The following LSAMP variants were observed in gnomAD, a reference collection of about 807,000 sequenced individuals.
LSAMP encodes limbic system associated membrane protein, also known as limbic system-associated membrane protein.
In LSAMP, 7 loss-of-function variants were observed where a neutral mutation model predicts 38.6. The observed-to-expected ratio is 0.18, with a 90% CI of 0.10 to 0.34. The LOEUF (loss-of-function observed/expected upper bound fraction) is 0.34. Ranked by LOEUF, LSAMP falls within the 10% of genes least tolerant of loss-of-function variation. The pLI, the probability that LSAMP is intolerant of heterozygous loss-of-function variation, is 1.00. For missense variants in LSAMP, 313 were observed against 420.0 expected, an observed-to-expected ratio of 0.75 and a Z score of 2.23; for synonymous variants, 154 against 166.8, an observed-to-expected ratio of 0.92 and a Z score of 0.59.
chr3:116,437,561 G>A (rs1415309717), intron 1 of LSAMP, among the ~76,000 whole-genome samples: 1 of 151,786 alleles, frequency 6.6e-6, no homozygotes, highest in Non-Finnish European at 1.5e-5. Flanking sequence ...GGTAAATGCA[G>A]ATTTGATTTA....
rs1202440557 is a variant in LSAMP at position 116,442,739 on chromosome 3, G to A, written c.155+2138C>T. 3.9e-5 allele frequency among the ~76,000 whole-genome samples: 6 copies of A among 152,238 alleles called. No homozygotes were observed. The East Asian group carries it at 1.2e-3, about 29-fold the overall frequency. ...ACTTATTTGCATGCTCTGTTTGTCT[G>A]TCTTTTCTTTCCCAGAGAATAAGTG... is the stretch of plus-strand genomic sequence containing the variant. On this transcript the variant is annotated intron_variant, in intron 1 of 6. Coordinates refer to ENST00000490035, the MANE Select transcript of LSAMP (RefSeq NM_002338.5).
At chr3:116,256,091 TGTCAA>T in intron 1 of LSAMP, among the ~76,000 whole-genome samples, 1 of 152,334 alleles carries the variant, frequency 6.6e-6, no homozygotes, top group African/African-American at 2.4e-5. Context: ...CGGTGCAATT[TGTCAA>T]GTCGAGTTGT....
intron 1 of LSAMP, among the ~76,000 whole-genome samples, chr3:116,263,078 G>A (rs970886494): frequency 6.6e-6 from 1 of 152,060 alleles, no homozygotes; most frequent in Non-Finnish European, 1.5e-5. Flanking sequence ...ATGGTCAAAG[G>A]GAATATAACA....
chr3:115,836,219 A>G (rs527752644), intron 6 of LSAMP, among the ~76,000 whole-genome samples: 1 of 152,168 alleles, frequency 6.6e-6, no homozygotes, highest in South Asian at 2.1e-4. Context: ...CCACCCTGTT[A>G]TCATCGTCTT....
chr3:115,888,402 ATTG>A (rs1401220384), intron 3 of LSAMP, among the ~76,000 whole-genome samples: 1 of 151,834 alleles, frequency 6.6e-6, no homozygotes, highest in East Asian at 1.9e-4. Context: ...TACTTGGAAT[ATTG>A]TTGTTAATTA....
At chr3:116,402,464 A>T (rs1424535829) in intron 1 of LSAMP, among the ~76,000 whole-genome samples, 1 of 152,168 alleles carries the variant, frequency 6.6e-6, no homozygotes, top group Non-Finnish European at 1.5e-5. Flanking sequence ...CAGTAAGAAA[A>T]TTTTTAAAAA....
intron 1 of LSAMP, among the ~76,000 whole-genome samples, chr3:116,263,315 A>C (rs1416286043): frequency 2.6e-5 from 4 of 152,144 alleles, no homozygotes; most frequent in African/African-American, 9.7e-5. Flanking sequence ...AGGTGGGTGG[A>C]TCACCTGAGG....
At chr3:115,864,969 T>C (rs1280255260) in intron 3 of LSAMP, among the ~76,000 whole-genome samples, 1 of 152,178 alleles carries the variant, frequency 6.6e-6, no homozygotes, top group African/African-American at 2.4e-5. Context: ...CTGAAGCTAT[T>C]TCATCTTATT....
At chr3:116,274,587 G>T (rs971487177) in intron 1 of LSAMP, among the ~76,000 whole-genome samples, 2 of 152,068 alleles carry the variant, frequency 1.3e-5, no homozygotes, top group African/African-American at 4.8e-5. Context: ...GCTGAACTAA[G>T]ATTTTTCTCA....
intron 6 of LSAMP, among the ~76,000 whole-genome samples, chr3:115,827,873 C>A (rs777239035): frequency 6.6e-6 from 1 of 152,180 alleles, no homozygotes; most frequent in African/African-American, 2.4e-5. Context: ...CAGCAGTATA[C>A]AAGGGGAGGT....
chr3:115,845,024 G>A (rs1935110305), intron 4 of LSAMP, among the ~76,000 whole-genome samples: 1 of 152,162 alleles, frequency 6.6e-6, no homozygotes, highest in Admixed American at 6.5e-5. Flanking sequence ...GCATTTGAAG[G>A]CTGAGAGATA....
intron 1 of LSAMP, among the ~76,000 whole-genome samples, chr3:116,357,827 T>C (rs2048246589): frequency 6.6e-6 from 1 of 151,754 alleles, no homozygotes; most frequent in South Asian, 2.1e-4. Context: ...TCACTCTTCA[T>C]TGAAAGCAAC....
intron 1 of LSAMP, among the ~76,000 whole-genome samples, chr3:116,410,358 TG>T (rs1176509680): frequency 6.6e-6 from 1 of 152,042 alleles, no homozygotes; most frequent in Non-Finnish European, 1.5e-5. Flanking sequence ...GTTATTCTAA[TG>T]GACTCTGGTG....
At chr3:116,234,638 A>G (rs1049852333) in intron 1 of LSAMP, among the ~76,000 whole-genome samples, 2 of 152,132 alleles carry the variant, frequency 1.3e-5, no homozygotes, top group Non-Finnish European at 2.9e-5. Context: ...AAATTAAACT[A>G]CAGGTTTTAA....
At chr3:116,100,374 C>A (rs2107448936) in intron 1 of LSAMP, among the ~76,000 whole-genome samples, 1 of 152,252 alleles carries the variant, frequency 6.6e-6, no homozygotes, top group South Asian at 2.1e-4. Flanking sequence ...GCCACCACCC[C>A]CAGCCAAAGT....
chr3:116,199,840 G>A (rs2107591461), intron 1 of LSAMP, among the ~76,000 whole-genome samples: 1 of 152,212 alleles, frequency 6.6e-6, no homozygotes, highest in South Asian at 2.1e-4. Flanking sequence ...GGTGGTTGTG[G>A]CAACCATTGA....
chr3:116,047,039 A>T (rs1475184355), intron 2 of LSAMP, among the ~76,000 whole-genome samples: 1 of 152,194 alleles, frequency 6.6e-6, no homozygotes, highest in Non-Finnish European at 1.5e-5. Flanking sequence ...TTATGCAGCC[A>T]TGCTCAGATA....
chr3:116,074,662 C>T (rs754683698), intron 2 of LSAMP, among the ~76,000 whole-genome samples: 131 of 152,216 alleles, frequency 8.6e-4, no homozygotes, highest in Middle Eastern at 3.4e-3. Context: ...TGGCTATCCT[C>T]ATTTTGTTAA....
At chr3:116,146,990 G>C (rs1333064204) in intron 1 of LSAMP, among the ~76,000 whole-genome samples, 1 of 151,858 alleles carries the variant, frequency 6.6e-6, no homozygotes, top group Non-Finnish European at 1.5e-5. Context: ...TTACAAACTG[G>C]GGGTCCCAGG....
Sources: allele counts gnomAD v4.1 joint callset (sites outside exome capture counted in the v4.1 genomes callset), GRCh38; gene constraint gnomAD v4.1.1; transcripts MANE v1.5; gene names NCBI Gene and HGNC (gene_info 2026-07-23, HGNC 2026-07-21).